The following MAP2 variants were observed in gnomAD, a reference collection of about 807,000 sequenced individuals.
MAP2 encodes the protein microtubule associated protein 2.
MAP2 carries 14 observed loss-of-function variants against 137.6 expected under a neutral mutation model. The observed-to-expected ratio is 0.10, with a 90% CI of 0.07 to 0.16. The LOEUF (loss-of-function observed/expected upper bound fraction) is 0.16. Ranked by LOEUF, MAP2 falls within the 10% of genes least tolerant of loss-of-function variation. The pLI, the probability that MAP2 is intolerant of heterozygous loss-of-function variation, is 1.00. For missense variants in MAP2, 2,088 were observed against 2,191.5 expected, an observed-to-expected ratio of 0.95 and a Z score of 0.94; for synonymous variants, 786 against 782.3, an observed-to-expected ratio of 1.00 and a Z score of -0.08.
intron 13 of MAP2, among the ~76,000 whole-genome samples, chr2:209,719,792 GA>G (rs1405942766): frequency 6.6e-6 from 1 of 152,180 alleles, no homozygotes; most frequent in Non-Finnish European, 1.5e-5. Context: ...CAATTCTAAT[GA>G]ATTTTTTAAT....
At chr2:209,567,995 A>T (rs572777829) in intron 2 of MAP2, among the ~76,000 whole-genome samples, 1 of 152,132 alleles carries the variant, frequency 6.6e-6, no homozygotes, top group African/African-American at 2.4e-5. Flanking sequence ...GTTCCAATCA[A>T]TAGGAGAATT....
At chr2:209,585,467 A>C (rs548248548) in intron 3 of MAP2, among the ~76,000 whole-genome samples, 6 of 152,306 alleles carry the variant, frequency 3.9e-5, no homozygotes, top group Non-Finnish European at 8.8e-5. Flanking sequence ...AATAATAGTC[A>C]CTCATAATTA....
chr2:209,627,946 T>C lies in MAP2; in HGVS notation c.-30+2817T>C, dbSNP rs141946715. 9.2e-5 allele frequency among the ~76,000 whole-genome samples: 14 copies of C among 152,312 alleles called. No individual in the cohort carries two copies. The Middle Eastern group carries it at 0.01, about 112-fold the overall frequency. ...TGAAAATGTTTTGCAAATGACAAAATCTTTGCAATCATTTGCTAATATTAC... is the reference window on the plus strand; with the variant it reads ...TGAAAATGTTTTGCAAATGACAAAACCTTTGCAATCATTTGCTAATATTAC... On this transcript the variant is annotated intron_variant, in intron 4 of 15. Coordinates refer to ENST00000682079, the MANE Select transcript of MAP2 (RefSeq NM_001375505.1).
chr2:209,451,136 T>A (rs1030911301), intron 1 of MAP2, among the ~76,000 whole-genome samples: 3 of 152,186 alleles, frequency 2.0e-5, no homozygotes, highest in Admixed American at 1.3e-4. Context: ...GATACTGATA[T>A]AAGATACACC....
chr2:209,705,869 C>T, intron 12 of MAP2, 142 bp downstream of exon 12: 1 of 743,458 alleles, frequency 1.3e-6, no homozygotes. Context: ...TCAGAAAATC[C>T]AGAATGTAGA....
At chr2:209,451,396 C>T (rs1700271176) in intron 1 of MAP2, among the ~76,000 whole-genome samples, 2 of 152,112 alleles carry the variant, frequency 1.3e-5, no homozygotes, top group Admixed American at 6.5e-5. Context: ...CTCTTTATTT[C>T]CCCCTTCCCT....
At chr2:209,649,138 A>G (rs73072863) in intron 4 of MAP2, among the ~76,000 whole-genome samples, 2,588 of 152,034 alleles carry the variant, frequency 0.017, 78 homozygotes, top group African/African-American at 0.059. Context: ...AGTTGAAGTG[A>G]TCCTCCCACC....
chr2:209,612,555 G>C (rs902570163), intron 3 of MAP2, among the ~76,000 whole-genome samples: 2 of 152,164 alleles, frequency 1.3e-5, no homozygotes, highest in Non-Finnish European at 2.9e-5. Context: ...GCCTGTTGTA[G>C]CTGAGTTTGT....
chr2:209,508,964 T>G (rs908628639), intron 2 of MAP2, among the ~76,000 whole-genome samples: 3 of 151,990 alleles, frequency 2.0e-5, no homozygotes, highest in African/African-American at 7.2e-5. Flanking sequence ...CCCATCCACC[T>G]ACAAAACCAA....
intron 3 of MAP2, among the ~76,000 whole-genome samples, chr2:209,607,982 T>A (rs1486207531): frequency 1.3e-5 from 2 of 152,250 alleles, no homozygotes; most frequent in Admixed American, 1.3e-4. Flanking sequence ...AGATTTCATT[T>A]TCACCCTATT....
chr2:209,661,608 C>T (rs772997325), intron 5 of MAP2: 7 of 985,300 alleles, frequency 7.1e-6, no homozygotes, highest in South Asian at 9.4e-5. Context: ...TGTTTTCCTT[C>T]TAAAGGTTAG....
At chr2:209,522,248 G>A (rs1232635349) in intron 2 of MAP2, among the ~76,000 whole-genome samples, 1 of 152,074 alleles carries the variant, frequency 6.6e-6, no homozygotes, top group African/African-American at 2.4e-5. Flanking sequence ...GAAAGCCATG[G>A]CCATACACTT....
At chr2:209,554,037 AG>A (rs910936435) in intron 2 of MAP2, among the ~76,000 whole-genome samples, 2 of 152,174 alleles carry the variant, frequency 1.3e-5, no homozygotes, top group African/African-American at 4.8e-5. Context: ...ACCGTGGACA[AG>A]GGATCCAATG....
At chr2:209,611,268 A>G (rs1022482163) in intron 3 of MAP2, among the ~76,000 whole-genome samples, 15 of 152,172 alleles carry the variant, frequency 9.9e-5, no homozygotes, top group African/African-American at 3.4e-4. Context: ...TGGACCCACT[A>G]CAGACATTTG....
chr2:209,595,549 G>C (rs772137808), intron 3 of MAP2, among the ~76,000 whole-genome samples: 14 of 152,226 alleles, frequency 9.2e-5, no homozygotes, highest in Non-Finnish European at 1.2e-4. Context: ...AGACAGTGTG[G>C]TGATTCCTCA....
intron 3 of MAP2, among the ~76,000 whole-genome samples, chr2:209,607,536 G>A (rs2085207760): frequency 6.6e-6 from 1 of 152,202 alleles, no homozygotes; most frequent in Admixed American, 6.5e-5. Flanking sequence ...CTGGTTTCAA[G>A]TGAACCTACT....
At chr2:209,578,437 C>A (rs1042420382) in intron 2 of MAP2, among the ~76,000 whole-genome samples, 2 of 150,000 alleles carry the variant, frequency 1.3e-5, no homozygotes, top group Admixed American at 1.3e-4. Flanking sequence ...AAAAAAGAAA[C>A]ATATCATCTG....
At chr2:209,668,157 T>C (rs777460292) in intron 5 of MAP2, among the ~76,000 whole-genome samples, 4 of 152,110 alleles carry the variant, frequency 2.6e-5, no homozygotes, top group Admixed American at 2.0e-4. Flanking sequence ...TATTCTGATA[T>C]AAAACTTCAT....
At chr2:209,683,285 A>G (rs922414515) in intron 7 of MAP2, among the ~76,000 whole-genome samples, 1 of 152,196 alleles carries the variant, frequency 6.6e-6, no homozygotes, top group South Asian at 2.1e-4. Context: ...CCTCTTATTG[A>G]AAGTAATTCA....
Sources: allele counts gnomAD v4.1 joint callset (sites outside exome capture counted in the v4.1 genomes callset), GRCh38; gene constraint gnomAD v4.1.1; transcripts MANE v1.5; gene names NCBI Gene and HGNC (gene_info 2026-07-23, HGNC 2026-07-21).